PCCA: variants seen among roughly 807,000 people sequenced by gnomAD.
PCCA encodes the protein propionyl-CoA carboxylase alpha chain, mitochondrial.
Under a neutral mutation model 101.3 loss-of-function variants are expected in PCCA, and 74 were observed. The ratio of observed to expected loss-of-function variants is 0.73; its 90% CI spans 0.61 to 0.89. The LOEUF is 0.89. PCCA is among the 40% of genes least tolerant of loss of function. The pLI is 0.00. For synonymous variants in PCCA, 294 were observed against 313.6 expected (o/e 0.94, Z 0.66); for missense variants, 891 against 907.0 (o/e 0.98, Z 0.23).
chr13:100,125,678 A>G (rs1406285543), intron 4 of PCCA, among the ~76,000 whole-genome samples: 2 of 152,234 alleles, frequency 1.3e-5, no homozygotes, highest in African/African-American at 2.4e-5. Context: ...GAAAGCATTT[A>G]AGATGTGTAG....
intron 19 of PCCA, among the ~76,000 whole-genome samples, chr13:100,404,916 G>A (rs2077581508): frequency 6.6e-6 from 1 of 152,140 alleles, no homozygotes; most frequent in African/African-American, 2.4e-5. Context: ...TTTAACCTTG[G>A]TGTTGTCATC....
At chr13:100,333,791 A>T (rs1324345077) in intron 17 of PCCA, among the ~76,000 whole-genome samples, 2 of 152,184 alleles carry the variant, frequency 1.3e-5, no homozygotes, top group Admixed American at 6.5e-5. Context: ...TAAAAATTTC[A>T]CTCAACACAA....
chr13:100,495,622 T>C (rs1007835027), intron 21 of PCCA, among the ~76,000 whole-genome samples: 5 of 152,258 alleles, frequency 3.3e-5, no homozygotes, highest in African/African-American at 1.2e-4. Context: ...CTGTCCAGTT[T>C]GTTGGGTTAA....
intron 12 of PCCA, among the ~76,000 whole-genome samples, chr13:100,276,213 C>CCAA (rs1466396645): frequency 9.8e-6 from 1 of 102,128 alleles, no homozygotes; most frequent in Non-Finnish European, 1.9e-5. Context: ...TTGTCTGTAC[C>CCAA]AAAAAAAAAA....
At chr13:100,442,388 G>A (rs899490457) in intron 20 of PCCA, among the ~76,000 whole-genome samples, 1 of 152,146 alleles carries the variant, frequency 6.6e-6, no homozygotes, top group African/African-American at 2.4e-5. Context: ...GCTTTAAATT[G>A]AATGCAATGT....
At chr13:100,373,158 C>T (rs953005681) in intron 19 of PCCA, among the ~76,000 whole-genome samples, 6 of 152,260 alleles carry the variant, frequency 3.9e-5, no homozygotes, top group South Asian at 2.1e-4. Context: ...AGAAGATATA[C>T]GCATGGCCAA....
At chr13:100,259,565 C>T (rs867299318) in intron 9 of PCCA, among the ~76,000 whole-genome samples, 12 of 151,940 alleles carry the variant, frequency 7.9e-5, no homozygotes, top group African/African-American at 2.9e-4. Context: ...GATCTCTTGA[C>T]ATCATGATCT....
At chr13:100,142,409 CA>C (rs1464476068) in intron 4 of PCCA, among the ~76,000 whole-genome samples, 1 of 151,552 alleles carries the variant, frequency 6.6e-6, no homozygotes, top group Non-Finnish European at 1.5e-5. Flanking sequence ...CCTCTTGTCA[CA>C]AATTTAGTTC....
intron 6 of PCCA, among the ~76,000 whole-genome samples, chr13:100,187,810 G>A (rs781497100): frequency 8.5e-5 from 13 of 152,096 alleles, no homozygotes; most frequent in Non-Finnish European, 1.8e-4. Context: ...ACATGAATAA[G>A]TTCTTTAGTG....
intron 19 of PCCA, among the ~76,000 whole-genome samples, chr13:100,409,153 A>C (rs1447613210): frequency 6.6e-6 from 1 of 152,108 alleles, no homozygotes; most frequent in Non-Finnish European, 1.5e-5. Flanking sequence ...GAAAAGGGCT[A>C]TGGAAAGGTC....
chr13:100,190,708 T>C (rs1030143342), intron 6 of PCCA, among the ~76,000 whole-genome samples: 9 of 152,090 alleles, frequency 5.9e-5, no homozygotes, highest in Admixed American at 3.3e-4. Flanking sequence ...ATGCCTGTTA[T>C]GCTAGCACTT....
At chr13:100,217,874 G>C (rs147169646) in intron 7 of PCCA, among the ~76,000 whole-genome samples, 105 of 150,794 alleles carry the variant, frequency 7.0e-4, no homozygotes, top group Non-Finnish European at 8.1e-4. Context: ...AGGAGTTCAA[G>C]ACCAGCCTGG....
intron 21 of PCCA, among the ~76,000 whole-genome samples, chr13:100,506,625 C>T (rs1230741439): frequency 6.6e-6 from 1 of 151,988 alleles, no homozygotes; most frequent in Admixed American, 6.5e-5. Context: ...TGTTGAAGCC[C>T]CTCACATTAG....
chr13:100,285,687 C>T (rs1177032688), intron 12 of PCCA, among the ~76,000 whole-genome samples: 1 of 152,124 alleles, frequency 6.6e-6, no homozygotes, highest in African/African-American at 2.4e-5. Flanking sequence ...ACGTGTGTGG[C>T]CCTCAACCCT....
intron 4 of PCCA, among the ~76,000 whole-genome samples, chr13:100,140,631 A>T (rs2152343363): frequency 6.6e-6 from 1 of 152,262 alleles, no homozygotes. Flanking sequence ...GTTTATAGTA[A>T]TTTGAATTCT....
intron 17 of PCCA, among the ~76,000 whole-genome samples, chr13:100,335,357 C>T (rs773246380): frequency 4.6e-5 from 7 of 152,134 alleles, no homozygotes; most frequent in Admixed American, 4.6e-4. Context: ...AAGGAAATAG[C>T]ATTTGGTAAA....
chr13:100,197,358 AT>A (rs1408547284), intron 6 of PCCA, among the ~76,000 whole-genome samples: 2 of 151,710 alleles, frequency 1.3e-5, no homozygotes, highest in Admixed American at 6.6e-5. Context: ...TGCCTGGTTA[AT>A]TTTTAAATTT....
At chr13:100,230,852 T>C (rs1594833992) in intron 7 of PCCA, among the ~76,000 whole-genome samples, 1 of 152,084 alleles carries the variant, frequency 6.6e-6, no homozygotes, top group East Asian at 1.9e-4. Context: ...GTGCAGAGGG[T>C]GGACAGTGCA....
chr13:100,170,097 G>C (rs2055487582), intron 6 of PCCA, among the ~76,000 whole-genome samples: 1 of 152,170 alleles, frequency 6.6e-6, no homozygotes, highest in African/African-American at 2.4e-5. Flanking sequence ...TTCAAATTTA[G>C]AATTCTGGAA....
Sources: gnomAD v4.1 joint callset for allele counts (sites outside exome capture counted in the v4.1 genomes callset) on GRCh38, gnomAD v4.1.1 for gene constraint, MANE v1.5 for transcripts, NCBI Gene and HGNC (gene_info 2026-07-23, HGNC 2026-07-21) for gene names.